Variants in LYPLAL1 observed in about 807,000 individuals in gnomAD.
LYPLAL1 encodes the protein lysophospholipase like 1.
A neutral mutation model predicts 19.7 loss-of-function variants in LYPLAL1; 23 were observed. The observed-to-expected ratio is 1.17, with a 90% confidence interval of 0.84 to 1.65. The LOEUF is 1.65. Ranked by LOEUF, LYPLAL1 falls within the 40% of genes most tolerant of loss-of-function variation. LYPLAL1 has a pLI of 0.00. For missense variants in LYPLAL1, 355 were observed against 279.4 expected (o/e 1.27, Z -1.93); for synonymous variants, 119 against 96.3 (o/e 1.24, Z -1.38).
the LYPLAL1 span, among the ~76,000 whole-genome samples, chr1:219,259,728 A>T: frequency 6.6e-6 from 1 of 151,554 alleles, no homozygotes; most frequent in Non-Finnish European, 1.5e-5. Flanking sequence ...AAATTTCAGA[A>T]ATCATCACTA....
the LYPLAL1 span, among the ~76,000 whole-genome samples, chr1:219,290,981 A>G: frequency 2.0e-5 from 3 of 152,210 alleles, no homozygotes; most frequent in African/African-American, 7.2e-5. Context: ...TACTGGCTGT[A>G]AAATCTCAAT....
chr1:219,396,566 G>A, the LYPLAL1 span, among the ~76,000 whole-genome samples: 17 of 152,148 alleles, frequency 1.1e-4, no homozygotes, highest in South Asian at 2.1e-4. Flanking sequence ...ATATTTTTCC[G>A]TTTGTTAGTG....
the LYPLAL1 span, among the ~76,000 whole-genome samples, chr1:219,302,841 A>G: frequency 6.6e-6 from 1 of 152,046 alleles, no homozygotes; most frequent in African/African-American, 2.4e-5. Context: ...ATTCCAGCTC[A>G]CAGGAATTCC....
chr1:219,316,676 A>C, the LYPLAL1 span, among the ~76,000 whole-genome samples: 76 of 152,306 alleles, frequency 5.0e-4, 1 homozygote, highest in East Asian at 3.1e-3. Flanking sequence ...ATATGCAAAA[A>C]TGTGGTATGT....
At chr1:219,417,108 T>A in the LYPLAL1 span, among the ~76,000 whole-genome samples, 1 of 152,174 alleles carries the variant, frequency 6.6e-6, no homozygotes, top group African/African-American at 2.4e-5. Flanking sequence ...TTCCAAACTA[T>A]ATCCTTTGAA....
chr1:219,229,546 G>A, the LYPLAL1 span, among the ~76,000 whole-genome samples: 23 of 152,290 alleles, frequency 1.5e-4, no homozygotes, highest in African/African-American at 5.3e-4. Context: ...AAAATCCCGG[G>A]ATACAGAAAT....
the LYPLAL1 span, among the ~76,000 whole-genome samples, chr1:219,360,079 T>C: frequency 6.6e-6 from 1 of 152,182 alleles, no homozygotes; most frequent in Admixed American, 6.6e-5. Context: ...TCAGTCAGGA[T>C]TATCAACCTG....
chr1:219,370,979 A>C, the LYPLAL1 span, among the ~76,000 whole-genome samples: 5 of 152,206 alleles, frequency 3.3e-5, no homozygotes, highest in African/African-American at 1.2e-4. Flanking sequence ...ATTCCTCTCC[A>C]TACAACCTTC....
intron 3 of LYPLAL1, among the ~76,000 whole-genome samples, chr1:219,196,736 A>G (rs569006166): frequency 2.0e-5 from 3 of 152,304 alleles, no homozygotes; most frequent in South Asian, 2.1e-4. Context: ...ACATGATCCA[A>G]TATCTAGAAA....
chr1:219,177,171 C>A (rs1402218830), intron 1 of LYPLAL1, among the ~76,000 whole-genome samples: 1 of 152,122 alleles, frequency 6.6e-6, no homozygotes, highest in Non-Finnish European at 1.5e-5. Flanking sequence ...GGGTCCTTGA[C>A]ATGTTCAAGG....
At chr1:219,198,700 A>C (rs748931025) in intron 3 of LYPLAL1, 1 of 152,158 alleles carries the variant, frequency 6.6e-6, no homozygotes, top group Non-Finnish European at 1.5e-5. Context: ...ATTCTGATGT[A>C]TAAGTTTACA....
the LYPLAL1 span, among the ~76,000 whole-genome samples, chr1:219,368,366 A>G: frequency 2.6e-5 from 4 of 152,204 alleles, no homozygotes; most frequent in Non-Finnish European, 4.4e-5. Context: ...ACTTAGGACT[A>G]AGGGTGATAT....
the LYPLAL1 span, among the ~76,000 whole-genome samples, chr1:219,386,027 C>G: frequency 6.6e-6 from 1 of 152,080 alleles, no homozygotes; most frequent in African/African-American, 2.4e-5. Flanking sequence ...GGATGGGGGA[C>G]TCCAAGCATG....
At chr1:219,243,875 C>T in the LYPLAL1 span, among the ~76,000 whole-genome samples, 18 of 147,740 alleles carry the variant, frequency 1.2e-4, no homozygotes, top group African/African-American at 4.3e-4. Flanking sequence ...GCCTAGATCG[C>T]ACCACTGCAC....
At chr1:219,226,042 C>T in the LYPLAL1 span, among the ~76,000 whole-genome samples, 1 of 152,320 alleles carries the variant, frequency 6.6e-6, no homozygotes, top group East Asian at 1.9e-4. Flanking sequence ...GCCCAAGTGT[C>T]TATGGTAGAA....
chr1:219,230,911 A>G, the LYPLAL1 span, among the ~76,000 whole-genome samples: 1 of 152,144 alleles, frequency 6.6e-6, no homozygotes, highest in African/African-American at 2.4e-5. Context: ...ATTGTGCCAG[A>G]CTCACAGAAT....
At chr1:219,438,701 C>G in the LYPLAL1 span, among the ~76,000 whole-genome samples, 3 of 152,272 alleles carry the variant, frequency 2.0e-5, no homozygotes, top group South Asian at 6.2e-4. Context: ...ATTCATACTA[C>G]AGAAAGATGC....
chr1:219,260,109 A>T, the LYPLAL1 span, among the ~76,000 whole-genome samples: 1 of 152,018 alleles, frequency 6.6e-6, no homozygotes, highest in African/African-American at 2.4e-5. Flanking sequence ...TTAAAAGAAG[A>T]AAAATGAAGA....
At chr1:219,260,194 G>A in the LYPLAL1 span, among the ~76,000 whole-genome samples, 1 of 151,918 alleles carries the variant, frequency 6.6e-6, no homozygotes, top group Non-Finnish European at 1.5e-5. Context: ...TACACTGAAT[G>A]TGAGTGGTTT....
Sources: allele counts gnomAD v4.1 joint callset (sites outside exome capture counted in the v4.1 genomes callset), GRCh38; gene constraint gnomAD v4.1.1; transcripts MANE v1.5; gene names NCBI Gene and HGNC (gene_info 2026-07-23, HGNC 2026-07-21).